The following MCTP1 variants were observed in gnomAD, a reference collection of about 807,000 sequenced individuals.
MCTP1 encodes multiple C2 and transmembrane domain-containing protein 1.
In MCTP1, 69 loss-of-function variants were observed where a neutral mutation model predicts 120.6. That is an observed-to-expected ratio of 0.57 (90% CI 0.47 to 0.70). The LOEUF (loss-of-function observed/expected upper bound fraction) is 0.70, where lower values mean the gene tolerates loss of function less well. MCTP1 is among the 30% of genes least tolerant of loss of function. The pLI is 0.00. For missense variants in MCTP1, 1,203 were observed against 1,248.8 expected, an observed-to-expected ratio of 0.96 and a Z score of 0.55; for synonymous variants, 529 against 493.1, an observed-to-expected ratio of 1.07 and a Z score of -0.96.
chr5:95,187,145 G>A (rs1749293096), intron 1 of MCTP1, among the ~76,000 whole-genome samples: 1 of 152,182 alleles, frequency 6.6e-6, no homozygotes, highest in African/African-American at 2.4e-5. Flanking sequence ...AGAGATATTT[G>A]CACTCCCATG....
intron 1 of MCTP1, among the ~76,000 whole-genome samples, chr5:95,076,922 T>C (rs903473714): frequency 6.6e-6 from 1 of 152,204 alleles, no homozygotes; most frequent in Non-Finnish European, 1.5e-5. Flanking sequence ...GATCAAGTAT[T>C]TTTACAGGAA....
chr5:95,284,888 C>G lies in MCTP1; in HGVS notation c.-313G>C, dbSNP rs1230016399. On this transcript the variant is annotated 5_prime_UTR_variant, in exon 1 of 23. Coordinates refer to ENST00000515393, the MANE Select transcript of MCTP1 (RefSeq NM_024717.7). This position sits in a 1 kb window ranked among gnomAD's most constrained non-coding sequence, Gnocchi z 5.2. ...CCTGCAAAGTTTTTCCCTCGAAGCT[C>G]CGCGGCTCCAGTCCACTGGCGTCCC... Among the ~76,000 whole-genome samples the G allele has an allele frequency of 1.3e-5, 2 of 152,126 alleles. No individual in the cohort carries two copies. The highest frequency in any genetic ancestry group is 2.9e-5 in the Non-Finnish European group (2 of 68,002).
intron 1 of MCTP1, among the ~76,000 whole-genome samples, chr5:95,168,861 C>T (rs1467343668): frequency 6.6e-6 from 1 of 152,116 alleles, no homozygotes; most frequent in East Asian, 1.9e-4. Flanking sequence ...AATTTGACTT[C>T]CTCTTTTCCT....
intron 17 of MCTP1, among the ~76,000 whole-genome samples, chr5:94,860,109 G>A (rs140925361): frequency 6.6e-6 from 1 of 151,326 alleles, no homozygotes; most frequent in East Asian, 1.9e-4. Flanking sequence ...TGGTGAACTG[G>A]GTAACTTGCC....
intron 17 of MCTP1, among the ~76,000 whole-genome samples, chr5:94,861,599 C>T (rs1795795504): frequency 6.6e-6 from 1 of 151,712 alleles, no homozygotes; most frequent in Non-Finnish European, 1.5e-5. Context: ...TAAACTTTTT[C>T]CTTTGCAAAG....
At chr5:95,272,983 G>A (rs463961) in intron 1 of MCTP1, among the ~76,000 whole-genome samples, 130,575 of 152,272 alleles carry the variant, frequency 0.86, 56,123 homozygotes, top group African/African-American at 0.92. Context: ...GCTTTCTTTA[G>A]AAGTAGAGGA....
chr5:95,231,315 C>G (rs768525537), intron 1 of MCTP1, among the ~76,000 whole-genome samples: 1 of 151,916 alleles, frequency 6.6e-6, no homozygotes, highest in African/African-American at 2.4e-5. Flanking sequence ...CAAATCCACT[C>G]ATAAGAAAAC....
chr5:95,232,306 G>A (rs1359559986), intron 1 of MCTP1, among the ~76,000 whole-genome samples: 1 of 151,456 alleles, frequency 6.6e-6, no homozygotes, highest in African/African-American at 2.4e-5. Flanking sequence ...AAAACAAATA[G>A]GATAATGATG....
intron 1 of MCTP1, chr5:95,068,951 G>C (rs891866851): frequency 7.6e-6 from 2 of 263,350 alleles, no homozygotes; most frequent in South Asian, 4.0e-5. Flanking sequence ...ATTGTGAGCA[G>C]GTATCTTTTT....
chr5:95,249,184 C>T (rs1008295056), intron 1 of MCTP1, among the ~76,000 whole-genome samples: 2 of 152,114 alleles, frequency 1.3e-5, no homozygotes, highest in African/African-American at 4.8e-5. Context: ...AACTAAAGAG[C>T]TTCTGAACAG....
At position 94,888,962 on chromosome 5, in the gene MCTP1, C is replaced by T; in HGVS notation, c.1850G>A (p.Arg617Lys). 1 of 1,612,132 alleles carries T rather than the reference C, an allele frequency of 6.2e-7. No individual in the cohort carries two copies. The highest frequency in any genetic ancestry group is 1.1e-5 in the South Asian group (1 of 91,046). ...EEILKRYSPLRIFHNLKDVGF... is the reference protein window; with the variant it reads ...EEILKRYSPLKIFHNLKDVGF... The stretch of plus-strand genomic sequence containing the variant: ...CACATCTTTCAGGTTGTGAAATATC[C>T]TCAATGGGCTCTGAAAGACCCCAAC... Residue 617 changes from arginine (R) to lysine (K), a missense_variant, in exon 12 of 23, where the codon AGG becomes AAG. Coordinates refer to ENST00000515393, the MANE Select transcript of MCTP1 (RefSeq NM_024717.7).
chr5:94,810,345 C>A (rs1479027216), intron 17 of MCTP1, among the ~76,000 whole-genome samples: 1 of 152,182 alleles, frequency 6.6e-6, no homozygotes, highest in Non-Finnish European at 1.5e-5. Context: ...ACAAATCTTA[C>A]ACCAATGTTT....
intron 19 of MCTP1, among the ~76,000 whole-genome samples, chr5:94,718,718 CAT>C (rs1353329474): frequency 6.6e-6 from 1 of 152,024 alleles, no homozygotes; most frequent in Non-Finnish European, 1.5e-5. Context: ...TAAAAGAAGA[CAT>C]TATTATTATT....
At chr5:95,141,519 C>CT (rs1223878488) in intron 1 of MCTP1, among the ~76,000 whole-genome samples, 1 of 152,108 alleles carries the variant, frequency 6.6e-6, no homozygotes, top group Non-Finnish European at 1.5e-5. Flanking sequence ...GAGAGTTTGG[C>CT]TATTTTTTGA....
chr5:94,961,679 T>C (rs1456286714), intron 2 of MCTP1, among the ~76,000 whole-genome samples: 2 of 152,196 alleles, frequency 1.3e-5, no homozygotes, highest in Non-Finnish European at 2.9e-5. Flanking sequence ...GAAGGTAACT[T>C]AGTGATGGTC....
At chr5:94,956,000 C>T (rs1168019885) in intron 2 of MCTP1, among the ~76,000 whole-genome samples, 1 of 152,238 alleles carries the variant, frequency 6.6e-6, no homozygotes, top group African/African-American at 2.4e-5. Context: ...GGTCGACAGA[C>T]ACCTCACACA....
chr5:95,149,616 GA>G (rs1760715365), intron 1 of MCTP1, among the ~76,000 whole-genome samples: 1 of 152,194 alleles, frequency 6.6e-6, no homozygotes. Context: ...CACTGTGCTG[GA>G]AGCAGAAACT....
intron 1 of MCTP1, among the ~76,000 whole-genome samples, chr5:95,263,712 T>C (rs1176153976): frequency 1.3e-5 from 2 of 152,164 alleles, no homozygotes; most frequent in African/African-American, 2.4e-5. Flanking sequence ...AGAATGTGTA[T>C]TGAGCATTGC....
At chr5:94,895,336 A>G (rs1803701515) in intron 10 of MCTP1, among the ~76,000 whole-genome samples, 1 of 152,232 alleles carries the variant, frequency 6.6e-6, no homozygotes, top group African/African-American at 2.4e-5. Context: ...CAATATATTC[A>G]TAGTACTCTG....
Sources: gnomAD v4.1 joint callset for allele counts (sites outside exome capture counted in the v4.1 genomes callset) on GRCh38, gnomAD v4.1.1 for gene constraint, Gnocchi (gnomAD v3.1) non-coding constraint, MANE v1.5 for transcripts, NCBI Gene and HGNC (gene_info 2026-07-23, HGNC 2026-07-21) for gene names.